Variants in WARS1 observed in about 807,000 individuals in gnomAD.
WARS1 encodes tryptophanyl-tRNA synthetase 1.
A neutral mutation model predicts 47.8 loss-of-function variants in WARS1; 17 were observed. The observed-to-expected ratio is 0.36, with a 90% CI of 0.24 to 0.53. WARS1 has a LOEUF of 0.53. WARS1 is among the 20% of genes least tolerant of loss of function. The pLI, the probability that WARS1 is intolerant of heterozygous loss-of-function variation, is 0.91. For synonymous variants in WARS1, 208 were observed against 228.1 expected (o/e 0.91, Z 0.79); for missense variants, 434 against 608.0 (o/e 0.71, Z 3.01).
At chr14:100,369,391 T>C (rs75436805) in intron 1 of WARS1, 133 bp from the exon 2 acceptor site, 2 of 260,362 alleles carry the variant, frequency 7.7e-6, no homozygotes, top group East Asian at 1.3e-4. Context: ...AGGACATAGA[T>C]AATATAATAA....
chr14:100,349,808 C>T (rs867353624), intron 6 of WARS1, among the ~76,000 whole-genome samples: 1 of 152,240 alleles, frequency 6.6e-6, no homozygotes, highest in Non-Finnish European at 1.5e-5. Flanking sequence ...CTCACCACCT[C>T]CCTCCCACTC....
chr14:100,339,388 A>G (rs188355365), intron 9 of WARS1, among the ~76,000 whole-genome samples: 202 of 152,142 alleles, frequency 1.3e-3, no homozygotes, highest in East Asian at 7.8e-3. Context: ...TCAGGAGATC[A>G]AGACCATCCT....
At chr14:100,369,923 C>T (rs2400913) in intron 1 of WARS1, among the ~76,000 whole-genome samples, 2 of 17,036 alleles carry the variant, frequency 1.2e-4, no homozygotes, top group African/African-American at 1.9e-4. Context: ...TTCAGCCTCC[C>T]GAAAGTGTTG....
chr14:100,371,517 C>A (rs1329070288), intron 1 of WARS1, among the ~76,000 whole-genome samples: 1 of 150,128 alleles, frequency 6.7e-6, no homozygotes, highest in Non-Finnish European at 1.5e-5. Context: ...CTTTGGGAGG[C>A]CAAGGAGGGT....
chr14:100,337,122 C>T lies in WARS1; in HGVS notation c.1194G>A (p.Val398=), dbSNP rs757041761. ...GGAAGAAGGTCAGGTACATGAAAGA[C>T]ACGTCCACATCACAGTTGCCCCCAA... ...RQFGGNCDVD[V]SFMYLTFFLE... is the part of the protein sequence containing the mutation. The change falls in exon 10 of 11, where the codon GTG becomes GTA. Residue 398 remains valine, a synonymous_variant. Transcript: ENST00000392882. 6.2e-7 allele frequency: 1 copy of T among 1,614,222 alleles called. No individual in the cohort carries two copies. Among genetic ancestry groups the T allele is most frequent in the Non-Finnish European group, 8.5e-7 (1 of 1,180,024 alleles).
chr14:100,363,941 G>T (rs914237583), intron 2 of WARS1, among the ~76,000 whole-genome samples: 2 of 151,734 alleles, frequency 1.3e-5, no homozygotes, highest in Non-Finnish European at 1.5e-5. Flanking sequence ...CTGATGTTCA[G>T]AAAAAAAAGC....
rs1179962344 is a variant in WARS1, at chr14:100,360,678, A to C, written c.314-16T>G. On this transcript the variant is annotated splice_polypyrimidine_tract_variant and intron_variant, in intron 3 of 10. Coordinates refer to ENST00000392882, the MANE Select transcript of WARS1 (RefSeq NM_004184.4). Reference sequence around the variant, plus strand: ...CCAAACCGAACTGGAAAAAAAGAAAAGATGACTTTCTTAGGTGGCAGGAGG... The same window carrying C: ...CCAAACCGAACTGGAAAAAAAGAAACGATGACTTTCTTAGGTGGCAGGAGG... 6.3e-7 allele frequency: 1 copy of C among 1,594,952 alleles called. No homozygotes were observed.
At position 100,334,964 on chromosome 14, in the gene WARS1, C is replaced by A. The variant is rs139914390; in HGVS notation, c.1327G>T (p.Ala443Ser). 1.7e-5 allele frequency: 27 copies of A among 1,614,190 alleles called. No individual in the cohort carries two copies. The East Asian group carries it at 5.6e-4, about 33-fold the overall frequency. The change falls in exon 11 of 11, where the codon GCA becomes TCA. Residue 443 changes from alanine (A) to serine (S), a missense_variant. Coordinates refer to ENST00000392882, the MANE Select transcript of WARS1 (RefSeq NM_004184.4). ...ALIEVLQPLIAEHQARRKEVT... is the reference protein window; with the variant it reads ...ALIEVLQPLISEHQARRKEVT... ...TCCTTGCGCCGGGCCTGGTGCTCTG[C>A]GATCAAGGGCTGCAGAACCTCTATG...
At chr14:100,345,939 G>A (rs969453203) in intron 7 of WARS1, among the ~76,000 whole-genome samples, 7 of 152,226 alleles carry the variant, frequency 4.6e-5, no homozygotes, top group Non-Finnish European at 7.3e-5. Context: ...AGCACACGCC[G>A]CTGTGGCTCT....
chr14:100,339,282 C>G (rs61990698), intron 9 of WARS1, among the ~76,000 whole-genome samples: 5 of 151,940 alleles, frequency 3.3e-5, no homozygotes, highest in Non-Finnish European at 7.4e-5. Flanking sequence ...AGCAGTCACG[C>G]GAGAGGCTCA....
At chr14:100,365,142 C>CACACACACAT (rs1216478390) in intron 2 of WARS1, among the ~76,000 whole-genome samples, 2 of 151,632 alleles carry the variant, frequency 1.3e-5, no homozygotes, top group Non-Finnish European at 2.9e-5. Flanking sequence ...CACACACACA[C>CACACACACAT]ACACACACAC....
intron 9 of WARS1, among the ~76,000 whole-genome samples, chr14:100,340,858 G>T (rs1894111617): frequency 6.6e-6 from 1 of 151,856 alleles, no homozygotes. Context: ...GGGCTCTACT[G>T]GTCCCTAAGT....
chr14:100,369,731 G>A (rs572656061), intron 1 of WARS1, among the ~76,000 whole-genome samples: 7 of 151,488 alleles, frequency 4.6e-5, no homozygotes, highest in Admixed American at 1.3e-4. Context: ...AGGCTGGAGT[G>A]CAATGGTGTG....
At chr14:100,367,758 G>C (rs1331683909) in intron 2 of WARS1, among the ~76,000 whole-genome samples, 1 of 152,124 alleles carries the variant, frequency 6.6e-6, no homozygotes, top group Non-Finnish European at 1.5e-5. Flanking sequence ...CCAGAAGCTA[G>C]GTGCCAATAG....
In WARS1 at chr14:100,360,547, C is replaced by T. The variant is rs766397966; in HGVS notation, c.422+7G>A. ...GGTGAGAAGGCCTGTGGTGAAGAGC[C>T]CCTGACCTGTGTGAGAAGAAGATGC... is the stretch of plus-strand genomic sequence containing the variant. On this transcript the variant is annotated splice_region_variant and intron_variant, in intron 4 of 10. Transcript: ENST00000392882. 3 of 1,609,532 alleles carry T rather than the reference C, an allele frequency of 1.9e-6. No homozygotes were observed. The highest frequency in any genetic ancestry group is 2.7e-5 in the African/African-American group (2 of 74,752).
At chr14:100,339,556 A>G (rs1175870362) in intron 9 of WARS1, among the ~76,000 whole-genome samples, 6 of 132,098 alleles carry the variant, frequency 4.5e-5, no homozygotes, top group Non-Finnish European at 7.7e-5. Flanking sequence ...GTGCCACTGC[A>G]CTCCAGCCTG....
rs143974221 is a variant in WARS1, at chr14:100,369,161, G to C, written c.25C>G (p.Leu9Val). 3,755 of 1,512,480 alleles carry C rather than the reference G, an allele frequency of 2.5e-3. 12 individuals are homozygous for C. The highest frequency in any genetic ancestry group is 2.9e-3 in the South Asian group (240 of 83,906). 93.7% of individuals were successfully genotyped at this position (1,512,480 alleles called of 1,614,324 possible). MPNSEPAS[L>V]LELFNSIATQ... ...GCGATGCTGTTGAACAGCTCCAGCA[G>C]AGATGCGGGCTCACTGTTGGGCATG... Residue 9 changes from leucine (L) to valine (V), a missense_variant, in exon 2 of 11, where the codon CTG becomes GTG. Leu to Val is a conservative substitution (Grantham distance 32). Around this residue, in one of 2 missense-constraint regions of WARS1, gnomAD observed 87 missense variants for 84.2 expected, o/e 1.03. Coordinates refer to ENST00000392882, the MANE Select transcript of WARS1 (RefSeq NM_004184.4).
intron 2 of WARS1, chr14:100,365,579 CAA>C (rs34591719): frequency 0.081 from 6,984 of 86,520 alleles, 190 homozygotes; most frequent in African/African-American, 0.15. Context: ...GACTCAGCCT[CAA>C]AAAAAAAAAA....
chr14:100,372,227 C>T (rs938483499), intron 1 of WARS1, among the ~76,000 whole-genome samples: 1 of 152,034 alleles, frequency 6.6e-6, no homozygotes, highest in South Asian at 2.1e-4. Flanking sequence ...GTTGCTCACA[C>T]AAACCCTGTT....
Sources: allele counts gnomAD v4.1 joint callset (sites outside exome capture counted in the v4.1 genomes callset), GRCh38; gene constraint gnomAD v4.1.1; regional missense constraint gnomAD v4.1.1; transcripts MANE v1.5; gene names NCBI Gene and HGNC (gene_info 2026-07-23, HGNC 2026-07-21).